The following LRRC9 variants were observed in gnomAD, a reference collection of about 807,000 sequenced individuals.
LRRC9 encodes leucine-rich repeat-containing protein 9.
A neutral mutation model predicts 63.2 loss-of-function variants in LRRC9; 122 were observed. The observed-to-expected ratio is 1.93, with a 90% CI of 1.67 to 2.24. The LOEUF (loss-of-function observed/expected upper bound fraction) is 2.24. Among genes scored for constraint, LRRC9 ranks in the 30% most tolerant of loss-of-function variants. The pLI is 0.00. For missense variants in LRRC9, 1,071 were observed against 627.7 expected (o/e 1.71, Z -7.55); for synonymous variants, 366 against 213.1 (o/e 1.72, Z -6.25).
At chr14:59,984,643 C>T (rs886852082) in intron 16 of LRRC9, among the ~76,000 whole-genome samples, 1 of 152,184 alleles carries the variant, frequency 6.6e-6, no homozygotes, top group Non-Finnish European at 1.5e-5. Flanking sequence ...TGTCCTCCTA[C>T]TTCAGCACCC....
intron 29 of LRRC9, among the ~76,000 whole-genome samples, chr14:60,038,452 T>C (rs1298982523): frequency 6.6e-6 from 1 of 152,166 alleles, no homozygotes; most frequent in Non-Finnish European, 1.5e-5. Context: ...TTAGCAGTGG[T>C]TTGTAGTTCT....
rs1889296801 is a variant in LRRC9 at position 59,927,408 on chromosome 14, A to G, written c.-33-503A>G. Among the ~76,000 whole-genome samples, 1 of 152,076 alleles carries G rather than the reference A, an allele frequency of 6.6e-6. No homozygotes were observed. The highest frequency in any genetic ancestry group is 1.5e-5 in the Non-Finnish European group (1 of 67,936). ...AAGGAGAAGTTGGAGTATTTATTTTAATAAACACTTATTACTATGCCAAAA... is the reference window on the plus strand; with the variant it reads ...AAGGAGAAGTTGGAGTATTTATTTTGATAAACACTTATTACTATGCCAAAA... On this transcript the variant is annotated intron_variant, in intron 1 of 31. Transcript: ENST00000445360. This position sits in a 1 kb window ranked among gnomAD's most constrained non-coding sequence, Gnocchi z 4.4.
intron 27 of LRRC9, 130 bp downstream of exon 27, chr14:60,023,000 T>C: frequency 2.5e-6 from 1 of 405,108 alleles, no homozygotes; most frequent in South Asian, 9.2e-5. Context: ...ATTTTAATAA[T>C]CACAAATTGA....
chr14:60,021,759 A>G (rs1891133493), intron 26 of LRRC9, among the ~76,000 whole-genome samples: 1 of 151,758 alleles, frequency 6.6e-6, no homozygotes, highest in African/African-American at 2.4e-5. Context: ...CCTCTATTGA[A>G]TTGTTTTGGC....
intron 9 of LRRC9, among the ~76,000 whole-genome samples, chr14:59,960,498 A>G (rs762361880): frequency 6.6e-6 from 1 of 152,236 alleles, no homozygotes; most frequent in Non-Finnish European, 1.5e-5. Context: ...CAATAATAGT[A>G]ACATATATTG....
chr14:59,921,475 A>G (rs1358854874), intron 1 of LRRC9, among the ~76,000 whole-genome samples: 2 of 152,142 alleles, frequency 1.3e-5, no homozygotes, highest in Non-Finnish European at 2.9e-5. Context: ...AAAATGTGGT[A>G]AGACCTTTAA....
intron 8 of LRRC9, among the ~76,000 whole-genome samples, chr14:59,955,780 G>A (rs1047247239): frequency 2.6e-5 from 4 of 152,176 alleles, no homozygotes; most frequent in Non-Finnish European, 5.9e-5. Context: ...AGCATTTAGT[G>A]CTATAAATTT....
At chr14:60,023,926 T>C (rs545378603) in intron 27 of LRRC9, among the ~76,000 whole-genome samples, 1 of 94,332 alleles carries the variant, frequency 1.1e-5, no homozygotes, top group South Asian at 3.4e-4. Context: ...GTTAGTTTGC[T>C]GAGAATGATG....
chr14:59,997,675 A>T, exon 18 of LRRC9: 1 of 697,788 alleles, frequency 1.4e-6, no homozygotes, highest in Non-Finnish European at 2.6e-6. Flanking sequence ...GAATATTTGG[A>T]TGCAAGCCAT....
chr14:59,988,940 A>AT (rs1414994334), intron 17 of LRRC9, among the ~76,000 whole-genome samples: 2 of 151,836 alleles, frequency 1.3e-5, no homozygotes, highest in Non-Finnish European at 3.0e-5. Flanking sequence ...CTCACAATTT[A>AT]TTTTTCTGGG....
intron 29 of LRRC9, among the ~76,000 whole-genome samples, chr14:60,043,756 C>CTTTTTTTTTTTTTTT (rs368065898): frequency 5.2e-4 from 37 of 71,568 alleles, no homozygotes; most frequent in Admixed American, 6.8e-4. Context: ...TTTTCTTTTC[C>CTTTTTTTTTTTTTTT]TTTTTTTTTT....
chr14:60,002,197 T>G, intron 20 of LRRC9, 97 bp downstream of exon 20: 1 of 509,170 alleles, frequency 2.0e-6, no homozygotes. Context: ...CACAGATAGG[T>G]AAGGGACAGA....
chr14:59,926,421 A>G (rs1889213456), intron 1 of LRRC9, among the ~76,000 whole-genome samples: 1 of 152,216 alleles, frequency 6.6e-6, no homozygotes, highest in Admixed American at 6.5e-5. Context: ...AATTTAGCAT[A>G]AATGAATAAA....
chr14:60,020,304 C>T (rs1006781164), intron 26 of LRRC9, among the ~76,000 whole-genome samples: 6 of 151,574 alleles, frequency 4.0e-5, no homozygotes, highest in Non-Finnish European at 5.9e-5. Context: ...ATTTTATTGC[C>T]GAATAGTATT....
chr14:59,999,186 C>G, exon 19 of LRRC9: 4 of 701,488 alleles, frequency 5.7e-6, no homozygotes, highest in Non-Finnish European at 1.0e-5. Context: ...GAAGAAGCAA[C>G]AGCAGCTATG....
At position 59,966,049 on chromosome 14, in the gene LRRC9, T is replaced by C. The variant is rs1479782343; in HGVS notation, c.1212-540T>C. Among the ~76,000 whole-genome samples, 1 of 151,966 alleles carries C rather than the reference T, an allele frequency of 6.6e-6. No individual in the cohort carries two copies. Among genetic ancestry groups the C allele is most frequent in the Non-Finnish European group, 1.5e-5 (1 of 67,992 alleles). ...CAGGTTTGGGGTGCAGTGTTAGTTATGTTAGGTTGGAGTCACCTGTTTAAC... is the reference window on the plus strand; with the variant it reads ...CAGGTTTGGGGTGCAGTGTTAGTTACGTTAGGTTGGAGTCACCTGTTTAAC... On this transcript the variant is annotated intron_variant, in intron 10 of 31. Coordinates refer to ENST00000445360, the Ensembl canonical transcript of LRRC9. This position sits in a 1 kb window ranked among gnomAD's most constrained non-coding sequence, Gnocchi z 4.0.
At chr14:59,981,778 A>ATAGC (rs1427828613) in intron 15 of LRRC9, 70 bp from the exon 16 acceptor site, 1 of 635,956 alleles carries the variant, frequency 1.6e-6, no homozygotes, top group Non-Finnish European at 2.8e-6. Context: ...TCTTTTCTAC[A>ATAGC]TAGCTTGTTT....
chr14:60,048,401 G>A (rs1245030746), intron 29 of LRRC9, among the ~76,000 whole-genome samples: 1 of 151,858 alleles, frequency 6.6e-6, no homozygotes, highest in Non-Finnish European at 1.5e-5. Context: ...AACTAGACTA[G>A]TAAAGAAGAA....
intron 17 of LRRC9, among the ~76,000 whole-genome samples, chr14:59,987,993 A>G (rs764730362): frequency 6.6e-6 from 1 of 152,198 alleles, no homozygotes; most frequent in Non-Finnish European, 1.5e-5. Flanking sequence ...GAATGCAGGG[A>G]CTTAACAATA....
Sources: allele counts gnomAD v4.1 joint callset (sites outside exome capture counted in the v4.1 genomes callset), GRCh38; gene constraint gnomAD v4.1.1; non-coding constraint Gnocchi (gnomAD v3.1); transcripts MANE v1.5; gene names NCBI Gene and HGNC (gene_info 2026-07-23, HGNC 2026-07-21).